LRRC28: variants seen among roughly 807,000 people sequenced by gnomAD.
The protein encoded by LRRC28 is leucine-rich repeat-containing protein 28.
A neutral mutation model predicts 45.7 loss-of-function variants in LRRC28; 39 were observed. The ratio of observed to expected loss-of-function variants is 0.85; its 90% confidence interval spans 0.66 to 1.12. The LOEUF is 1.12. Among genes scored for constraint, LRRC28 ranks in the 50% most tolerant of loss-of-function variants. The probability of loss-of-function intolerance (pLI) is 0.00; values close to 1 mark genes in which losing one functional copy is unlikely to be tolerated. For missense variants in LRRC28, 435 were observed against 438.5 expected (o/e 0.99, Z 0.07); for synonymous variants, 206 against 178.8 (o/e 1.15, Z -1.22).
intron 5 of LRRC28, among the ~76,000 whole-genome samples, chr15:99,327,361 G>C (rs900660617): frequency 1.3e-5 from 2 of 152,156 alleles, no homozygotes; most frequent in Admixed American, 1.3e-4. Flanking sequence ...GAGCCACTGT[G>C]CCAGGCTACT....
chr15:99,269,603 A>C lies in LRRC28; in HGVS notation c.169-6973A>C, dbSNP rs142875925. ...GTTTTTAGTAGAGACGGGTTTCACC[A>C]TGTTGGCCGGGCTGGTCTTGAATTC... On this transcript the variant is annotated intron_variant, in intron 2 of 9. Transcript: ENST00000301981. Among the ~76,000 whole-genome samples the C allele has an allele frequency of 3.3e-5, 5 of 152,310 alleles. No individual in the cohort carries two copies. The East Asian group carries it at 9.7e-4, about 29-fold the overall frequency.
intron 5 of LRRC28, among the ~76,000 whole-genome samples, chr15:99,327,845 T>G (rs1956034478): frequency 6.6e-6 from 1 of 152,186 alleles, no homozygotes. Flanking sequence ...ATATAGGCAT[T>G]CGAAGCTTTA....
intron 3 of LRRC28, among the ~76,000 whole-genome samples, chr15:99,282,613 C>T (rs1260199057): frequency 1.3e-5 from 2 of 152,140 alleles, no homozygotes; most frequent in African/African-American, 4.8e-5. Flanking sequence ...GTATTCAATA[C>T]GATAACATAC....
At chr15:99,279,664 G>A (rs971429190) in intron 3 of LRRC28, among the ~76,000 whole-genome samples, 2 of 152,192 alleles carry the variant, frequency 1.3e-5, no homozygotes, top group African/African-American at 2.4e-5. Context: ...TAGAGCAAGC[G>A]AAAATACCAT....
At chr15:99,276,461 C>A in intron 2 of LRRC28, 115 bp from the exon 3 acceptor site, 1 of 695,596 alleles carries the variant, frequency 1.4e-6, no homozygotes, top group Non-Finnish European at 2.3e-6. Context: ...TAATTATTTT[C>A]ACATTTTCTC....
intron 8 of LRRC28, 51 bp from the exon 9 acceptor site, chr15:99,363,055 A>G (rs373045601): frequency 1.9e-6 from 3 of 1,564,534 alleles, no homozygotes; most frequent in Non-Finnish European, 2.6e-6. Context: ...AGCGTAGTTT[A>G]AGGAAGTCTG....
intron 5 of LRRC28, among the ~76,000 whole-genome samples, chr15:99,320,437 CAT>C (rs1460748991): frequency 6.6e-6 from 1 of 152,100 alleles, no homozygotes; most frequent in Non-Finnish European, 1.5e-5. Context: ...AAAAAATAAA[CAT>C]GAGTTCATGT....
At position 99,259,236 on chromosome 15, in the gene LRRC28, T is replaced by C. The variant is rs909232363; in HGVS notation, c.168+3111T>C. The C allele has an allele frequency of 7.4e-5, 78 of 1,050,408 alleles. No homozygotes were observed. In the Middle Eastern group the frequency reaches 1.4e-3, roughly 19 times the overall value. 65.1% of individuals were successfully genotyped at this position (1,050,408 alleles called of 1,614,324 possible). A position where few individuals can be genotyped will look rare whatever the true frequency, so the allele number is the denominator to read the frequency against. ...GAAAAACAAGACAAAATCTGCCTCA[T>C]GGCTGGGTCCAGCAGAAAAGAGGCT... On this transcript the variant is annotated intron_variant, in intron 2 of 9. Transcript: ENST00000301981.
At position 99,259,612 on chromosome 15, in the gene LRRC28, G is replaced by A. The variant is rs112430754; in HGVS notation, c.168+3487G>A. On this transcript the variant is annotated intron_variant, in intron 2 of 9. Coordinates refer to ENST00000301981, the MANE Select transcript of LRRC28 (RefSeq NM_144598.5). Reference sequence around the variant, plus strand: ...TGGAGAGAATCATGAAAGCACAAGCGTACCAAACGGGCAAGGGCATCTCTA... The same window carrying A: ...TGGAGAGAATCATGAAAGCACAAGCATACCAAACGGGCAAGGGCATCTCTA... 6.2e-4 allele frequency: 936 copies of A among 1,498,208 alleles called. 4 individuals are homozygous for A. The African/African-American group carries it at 0.01, about 17-fold the overall frequency. The allele number at this position is 1,498,208 out of a possible 1,614,324, so 92.8% of individuals were successfully genotyped here.
rs1401722130 is a variant in LRRC28, at chr15:99,259,590, A to G, written c.168+3465A>G. Reference sequence around the variant, plus strand: ...CAGTACGGGTGGTCTGGCAACATGGAGAGAATCATGAAAGCACAAGCGTAC... The same window carrying G: ...CAGTACGGGTGGTCTGGCAACATGGGGAGAATCATGAAAGCACAAGCGTAC... On this transcript the variant is annotated intron_variant, in intron 2 of 9. Transcript: ENST00000301981. 32 of 1,491,668 alleles carry G rather than the reference A, an allele frequency of 2.1e-5. No homozygotes were observed. The Admixed American group carries it at 5.0e-4, about 23-fold the overall frequency. 92.4% of individuals were successfully genotyped at this position (1,491,668 alleles called of 1,614,324 possible).
At position 99,387,119 on chromosome 15, in the gene LRRC28, G is replaced by GCT. The variant is rs1958027165; in HGVS notation, c.*1017_*1018insCT. 1 of 151,228 alleles carries GCT rather than the reference G, an allele frequency of 6.6e-6. No homozygotes were observed. Among genetic ancestry groups the GCT allele is most frequent in the Non-Finnish European group, 1.5e-5 (1 of 67,822 alleles). 9.4% of individuals were successfully genotyped at this position (151,228 alleles called of 1,614,324 possible). ...TCTGTCGCCCAGGCTGGAGTGCAGT[G>GCT]GCGGGATCTCGGCTCACTGCAAGCT... On this transcript the variant is annotated 3_prime_UTR_variant, in exon 10 of 10. Transcript: ENST00000301981.
At chr15:99,378,978 C>T (rs1173596089) in intron 9 of LRRC28, among the ~76,000 whole-genome samples, 1 of 151,822 alleles carries the variant, frequency 6.6e-6, no homozygotes, top group East Asian at 1.9e-4. Flanking sequence ...CAATGTTCTT[C>T]AGGGATATTG....
chr15:99,294,767 A>T (rs889737578), intron 5 of LRRC28, among the ~76,000 whole-genome samples: 2 of 152,228 alleles, frequency 1.3e-5, no homozygotes, highest in African/African-American at 4.8e-5. Flanking sequence ...AGGTTTCAAC[A>T]TATGAATTTA....
At chr15:99,263,275 C>T (rs60517250) in intron 2 of LRRC28, among the ~76,000 whole-genome samples, 3,533 of 146,240 alleles carry the variant, frequency 0.024, 159 homozygotes, top group African/African-American at 0.085. Flanking sequence ...GCCAACATCA[C>T]GCCACTCCAC....
At chr15:99,257,976 C>T in intron 2 of LRRC28, 1 of 826,784 alleles carries the variant, frequency 1.2e-6, no homozygotes, top group African/African-American at 1.7e-5. Context: ...AGGCTGATAT[C>T]ACTGACTAAT....
chr15:99,255,833 C>G (rs2081000485), intron 1 of LRRC28, 65 bp from the exon 2 acceptor site: 1 of 996,682 alleles, frequency 1.0e-6, no homozygotes, highest in Non-Finnish European at 1.4e-6. Context: ...TGTGTGCTAA[C>G]TGGTTTATAT....
intron 9 of LRRC28, among the ~76,000 whole-genome samples, chr15:99,381,746 A>G (rs548115851): frequency 6.6e-6 from 1 of 152,322 alleles, no homozygotes; most frequent in Admixed American, 6.5e-5. Flanking sequence ...GTTTTCTTCT[A>G]ACAGTCAGGA....
intron 5 of LRRC28, among the ~76,000 whole-genome samples, chr15:99,303,362 T>C (rs997470540): frequency 1.3e-5 from 2 of 152,214 alleles, no homozygotes; most frequent in Admixed American, 6.5e-5. Flanking sequence ...AAGAGTTCTT[T>C]ATGTATACTG....
intron 5 of LRRC28, among the ~76,000 whole-genome samples, chr15:99,322,212 G>A (rs1955822793): frequency 6.6e-6 from 1 of 152,180 alleles, no homozygotes; most frequent in African/African-American, 2.4e-5. Flanking sequence ...TAGTAAGATG[G>A]TGTTAGAGAT....
Sources: gnomAD v4.1 joint callset for allele counts (sites outside exome capture counted in the v4.1 genomes callset) on GRCh38, gnomAD v4.1.1 for gene constraint, MANE v1.5 for transcripts, NCBI Gene and HGNC (gene_info 2026-07-23, HGNC 2026-07-21) for gene names.